ZCWPW2: variants seen among roughly 807,000 people sequenced by gnomAD.
ZCWPW2 encodes the protein zinc finger CW-type and PWWP domain containing 2, also known as zinc finger CW-type PWWP domain protein 2.
ZCWPW2 carries 45 observed loss-of-function variants against 46.6 expected under a neutral mutation model. That is an observed-to-expected ratio of 0.96 (90% CI 0.76 to 1.24). ZCWPW2 has a LOEUF of 1.24. Among genes scored for constraint, ZCWPW2 ranks in the 50% most tolerant of loss-of-function variants. The probability of loss-of-function intolerance (pLI) is 0.00; values close to 1 mark genes in which losing one functional copy is unlikely to be tolerated. For synonymous variants in ZCWPW2, 152 were observed against 137.1 expected, an observed-to-expected ratio of 1.11 and a Z score of -0.76; for missense variants, 429 against 403.9, an observed-to-expected ratio of 1.06 and a Z score of -0.53.
At chr3:28,365,637 T>C (rs1304097505) in intron 1 of ZCWPW2, among the ~76,000 whole-genome samples, 3 of 141,018 alleles carry the variant, frequency 2.1e-5, no homozygotes, top group Non-Finnish European at 3.2e-5. Context: ...CGGGCTCTTC[T>C]TTGGTTCCAT....
At position 28,514,308 on chromosome 3, in the gene ZCWPW2, A is replaced by G. The variant is rs531677616; in HGVS notation, c.716+186A>G. On this transcript the variant is annotated intron_variant, in intron 7 of 9. Coordinates refer to ENST00000383768, the MANE Select transcript of ZCWPW2 (RefSeq NM_001040432.4). ...CTAAACTGATTTGATTTGGATGCCT[A>G]CCTCCTATATTATCCACTCCCCCTT... is the stretch of plus-strand genomic sequence containing the variant. 2.6e-5 allele frequency among the ~76,000 whole-genome samples: 4 copies of G among 152,084 alleles called. No individual in the cohort carries two copies. In the South Asian group the frequency reaches 6.2e-4, roughly 24 times the overall value.
At chr3:28,400,651 A>G (rs1036522913) in intron 2 of ZCWPW2, among the ~76,000 whole-genome samples, 9 of 152,216 alleles carry the variant, frequency 5.9e-5, no homozygotes, top group Non-Finnish European at 1.3e-4. Flanking sequence ...TCCTCAAATG[A>G]AAGAATTATC....
At chr3:28,510,601 CTA>C (rs1416251504) in intron 6 of ZCWPW2, among the ~76,000 whole-genome samples, 1 of 151,962 alleles carries the variant, frequency 6.6e-6, no homozygotes, top group Non-Finnish European at 1.5e-5. Context: ...CAGCAAAGTT[CTA>C]TCTTTTTAGC....
intron 9 of ZCWPW2, among the ~76,000 whole-genome samples, chr3:28,522,705 A>G (rs1700755192): frequency 6.6e-6 from 1 of 152,140 alleles, no homozygotes; most frequent in Non-Finnish European, 1.5e-5. Flanking sequence ...AGCATCAGCA[A>G]TATCAATTTT....
At chr3:28,404,110 G>T (rs1040793715) in intron 2 of ZCWPW2, among the ~76,000 whole-genome samples, 8 of 150,888 alleles carry the variant, frequency 5.3e-5, no homozygotes, top group African/African-American at 1.9e-4. Flanking sequence ...CCAGAGAGTG[G>T]AAAAAAATTC....
rs1374734096 is a variant in ZCWPW2, at chr3:28,349,119, C to G, written c.-218C>G. The G allele has an allele frequency of 2.0e-6, 2 of 985,560 alleles. No individual in the cohort carries two copies. The highest frequency in any genetic ancestry group is 2.4e-6 in the Non-Finnish European group (2 of 830,188). The allele number at this position is 985,560 out of a possible 1,614,324, so 61.1% of individuals were successfully genotyped here. A position where few individuals can be genotyped will look rare whatever the true frequency, so the allele number is the denominator to read the frequency against. On this transcript the variant is annotated 5_prime_UTR_variant, in exon 1 of 10. Coordinates refer to ENST00000383768, the MANE Select transcript of ZCWPW2 (RefSeq NM_001040432.4). The stretch of plus-strand genomic sequence containing the variant: ...GGTGGGGAAGTGCAGGAGTGGCGCG[C>G]GGCGTACTACATGTCCCGTGAGCCT...
rs750457478 is a variant in ZCWPW2, at chr3:28,521,029, G to A, written c.822G>A (p.Glu274=). ...CGGAAGTTTTACTAAAAGAGCTGGA[G>A]CAAATGCTGCAGCAAGCACTGCAAC... ...CETEVLLKEL[E]QMLQQALQPT... is the part of the protein sequence containing the mutation. The change falls in exon 9 of 10, where the codon GAG becomes GAA. Residue 274 remains glutamate, a synonymous_variant. Coordinates refer to ENST00000383768, the MANE Select transcript of ZCWPW2 (RefSeq NM_001040432.4). 3.5e-5 allele frequency: 56 copies of A among 1,613,320 alleles called. No individual in the cohort carries two copies. Among genetic ancestry groups the A allele is most frequent in the Non-Finnish European group, 7.6e-6 (9 of 1,179,756 alleles).
chr3:28,365,652 A>C (rs1379884526), intron 1 of ZCWPW2, among the ~76,000 whole-genome samples: 6 of 140,936 alleles, frequency 4.3e-5, no homozygotes, highest in African/African-American at 1.5e-4. Context: ...TTCCATATGA[A>C]CTTTAAAGTA....
chr3:28,437,245 G>A (rs1157746138), intron 4 of ZCWPW2, among the ~76,000 whole-genome samples: 2 of 152,146 alleles, frequency 1.3e-5, no homozygotes, highest in African/African-American at 4.8e-5. Flanking sequence ...TGATAGTCAT[G>A]TATAATTTTC....
chr3:28,383,496 C>T (rs1695169239), intron 1 of ZCWPW2, among the ~76,000 whole-genome samples: 1 of 151,648 alleles, frequency 6.6e-6, no homozygotes, highest in African/African-American at 2.4e-5. Context: ...TTCAATTAGC[C>T]TTTATGAAGG....
chr3:28,356,461 C>G (rs1479017727), intron 1 of ZCWPW2, among the ~76,000 whole-genome samples: 3 of 152,148 alleles, frequency 2.0e-5, no homozygotes, highest in African/African-American at 4.8e-5. Flanking sequence ...CCTCAAGGAT[C>G]TAGAAGTAGA....
intron 3 of ZCWPW2, 39 bp downstream of exon 3, chr3:28,413,439 C>CA: frequency 6.6e-7 from 1 of 1,504,054 alleles, no homozygotes; most frequent in East Asian, 2.3e-5. Context: ...GAAATGTAGT[C>CA]TTGCTAGGTT....
At chr3:28,522,202 A>G (rs1326226758) in intron 9 of ZCWPW2, among the ~76,000 whole-genome samples, 4 of 152,204 alleles carry the variant, frequency 2.6e-5, no homozygotes, top group Non-Finnish European at 5.9e-5. Flanking sequence ...AACATGGCAC[A>G]TGTGTACATA....
At chr3:28,354,156 T>G (rs1208380395) in intron 1 of ZCWPW2, among the ~76,000 whole-genome samples, 2 of 151,672 alleles carry the variant, frequency 1.3e-5, no homozygotes, top group Non-Finnish European at 2.9e-5. Context: ...TGATAAGAAA[T>G]TCCCTTTCAT....
intron 5 of ZCWPW2, among the ~76,000 whole-genome samples, chr3:28,490,677 G>A (rs1365668473): frequency 6.6e-6 from 1 of 152,008 alleles, no homozygotes; most frequent in Non-Finnish European, 1.5e-5. Flanking sequence ...TGAGGGTGGA[G>A]GGTGGAAAGA....
intron 1 of ZCWPW2, among the ~76,000 whole-genome samples, chr3:28,363,355 T>C (rs1016535905): frequency 6.6e-6 from 1 of 152,178 alleles, no homozygotes; most frequent in African/African-American, 2.4e-5. Context: ...GATTTCCCAG[T>C]GGCCAATAAA....
chr3:28,383,559 TTTTTTTC>T (rs1261276846), intron 1 of ZCWPW2, among the ~76,000 whole-genome samples: 41 of 151,904 alleles, frequency 2.7e-4, no homozygotes, highest in African/African-American at 9.9e-4. Context: ...AGGGTATATT[TTTTTTTC>T]TACTTTATAA....
intron 1 of ZCWPW2, among the ~76,000 whole-genome samples, chr3:28,359,001 A>G (rs573101424): frequency 9.0e-4 from 137 of 152,268 alleles, no homozygotes; most frequent in South Asian, 4.1e-3. Flanking sequence ...GAAAACTATT[A>G]CTTCCCAGAA....
intron 2 of ZCWPW2, among the ~76,000 whole-genome samples, chr3:28,403,943 A>G (rs1423424872): frequency 6.6e-6 from 1 of 152,194 alleles, no homozygotes; most frequent in East Asian, 1.9e-4. Context: ...TAAAAATTCT[A>G]GAAGATAATA....
Sources: allele counts gnomAD v4.1 joint callset (sites outside exome capture counted in the v4.1 genomes callset), GRCh38; gene constraint gnomAD v4.1.1; transcripts MANE v1.5; gene names NCBI Gene and HGNC (gene_info 2026-07-23, HGNC 2026-07-21).